The following CADPS2 variants were observed in gnomAD, a reference collection of about 807,000 sequenced individuals.
CADPS2 encodes the protein calcium dependent secretion activator 2.
A neutral mutation model predicts 172.5 loss-of-function variants in CADPS2; 93 were observed. The ratio of observed to expected loss-of-function variants is 0.54; its 90% confidence interval spans 0.46 to 0.64. The LOEUF (loss-of-function observed/expected upper bound fraction) is 0.64, where lower values mean the gene tolerates loss of function less well. Among genes scored for constraint, CADPS2 ranks in the 30% least tolerant of loss-of-function variants. The pLI, the probability that CADPS2 is intolerant of heterozygous loss-of-function variation, is 0.00. For missense variants in CADPS2, 1,420 were observed against 1,565.9 expected (o/e 0.91, Z 1.57); for synonymous variants, 546 against 555.2 (o/e 0.98, Z 0.23).
intron 4 of CADPS2, among the ~76,000 whole-genome samples, chr7:122,628,157 T>C (rs913459042): frequency 6.6e-6 from 1 of 152,162 alleles, no homozygotes; most frequent in African/African-American, 2.4e-5. Flanking sequence ...CATTTTTCTC[T>C]ATTTTATTAT....
chr7:122,322,544 T>C (rs2032808775), intron 29 of CADPS2, among the ~76,000 whole-genome samples: 1 of 152,220 alleles, frequency 6.6e-6, no homozygotes, highest in African/African-American at 2.4e-5. Context: ...TTCTGTTCAC[T>C]TTTTCTCTCC....
intron 1 of CADPS2, among the ~76,000 whole-genome samples, chr7:122,865,903 C>A (rs1277235597): frequency 6.6e-6 from 1 of 152,214 alleles, no homozygotes; most frequent in African/African-American, 2.4e-5. Context: ...AAATCTTCCC[C>A]ACCCAGCACC....
intron 3 of CADPS2, among the ~76,000 whole-genome samples, chr7:122,645,658 GAT>G (rs71161314): frequency 0.03 from 3,179 of 106,592 alleles, 80 homozygotes; most frequent in Middle Eastern, 0.12. Flanking sequence ...ATATCTCTAA[GAT>G]ATATATATAT....
At chr7:122,844,547 C>T (rs1409070135) in intron 1 of CADPS2, among the ~76,000 whole-genome samples, 4 of 152,182 alleles carry the variant, frequency 2.6e-5, no homozygotes, top group African/African-American at 4.8e-5. Context: ...TGTTTTATCA[C>T]ATTAATGCAC....
At chr7:122,611,168 G>A (rs4236615) in intron 6 of CADPS2, among the ~76,000 whole-genome samples, 151,920 of 152,206 alleles carry the variant, frequency 1, 75,817 homozygotes, top group Middle Eastern at 1. Flanking sequence ...GTAAAAATGA[G>A]AGCAAACTAA....
At chr7:122,750,665 C>T (rs1326003968) in intron 1 of CADPS2, among the ~76,000 whole-genome samples, 1 of 152,100 alleles carries the variant, frequency 6.6e-6, no homozygotes. Flanking sequence ...CACTAAGAGA[C>T]ATGTGTGATC....
At position 122,584,890 on chromosome 7, in the gene CADPS2, A is replaced by C. The variant is rs1017724940; in HGVS notation, c.1224-3600T>G. On this transcript the variant is annotated intron_variant, in intron 6 of 29. Coordinates refer to ENST00000449022, the MANE Select transcript of CADPS2 (RefSeq NM_017954.11). ...AATATTGATCATGTAAAATAATTGA[A>C]ATGGGCTTTAATTTCCAGATTTTGT... Among the ~76,000 whole-genome samples the C allele has an allele frequency of 3.9e-5, 6 of 152,144 alleles. No individual in the cohort carries two copies. The East Asian group carries it at 1.2e-3, about 29-fold the overall frequency.
intron 6 of CADPS2, among the ~76,000 whole-genome samples, chr7:122,584,543 C>G (rs994140645): frequency 1.3e-5 from 2 of 151,862 alleles, no homozygotes; most frequent in Admixed American, 1.3e-4. Flanking sequence ...ACAATCCTCT[C>G]TACTTCATGT....
chr7:122,500,468 A>C (rs2059107288), intron 9 of CADPS2, among the ~76,000 whole-genome samples: 1 of 152,196 alleles, frequency 6.6e-6, no homozygotes. Flanking sequence ...TCTTAAATGT[A>C]TCCTCTTCCA....
At chr7:122,559,508 T>C (rs1245898977) in intron 7 of CADPS2, among the ~76,000 whole-genome samples, 3 of 152,112 alleles carry the variant, frequency 2.0e-5, no homozygotes, top group African/African-American at 7.2e-5. Context: ...CGGTGGCTCA[T>C]GCCTGTAATC....
intron 7 of CADPS2, among the ~76,000 whole-genome samples, chr7:122,573,962 G>C (rs1162719317): frequency 6.6e-6 from 1 of 152,014 alleles, no homozygotes; most frequent in Non-Finnish European, 1.5e-5. Context: ...CTTTTGAACA[G>C]AGTATTCAGA....
intron 1 of CADPS2, among the ~76,000 whole-genome samples, chr7:122,885,691 A>C (rs1281289914): frequency 6.6e-6 from 1 of 152,100 alleles, no homozygotes; most frequent in African/African-American, 2.4e-5. Flanking sequence ...GTTGCATTCT[A>C]ATCCGGCCAG....
In CADPS2 at chr7:122,345,556, G is replaced by T; in HGVS notation, c.3612+18C>A. The T allele has an allele frequency of 1.4e-6, 2 of 1,436,974 alleles. No homozygotes were observed. The highest frequency in any genetic ancestry group is 2.0e-6 in the Non-Finnish European group (2 of 1,022,474). 89.0% of individuals were successfully genotyped at this position (1,436,974 alleles called of 1,614,324 possible). A position where few individuals can be genotyped will look rare whatever the true frequency, so the allele number is the denominator to read the frequency against. On this transcript the variant is annotated intron_variant, in intron 28 of 29. Coordinates refer to ENST00000449022, the MANE Select transcript of CADPS2 (RefSeq NM_017954.11). ...TTTATCTATGGTGTCAGCATACCTT[G>T]CAAGGGAAGCTACTTACATCAAATA...
At chr7:122,401,082 T>C (rs1350523092) in intron 20 of CADPS2, among the ~76,000 whole-genome samples, 1 of 152,246 alleles carries the variant, frequency 6.6e-6, no homozygotes, top group Non-Finnish European at 1.5e-5. Flanking sequence ...TCACTCTCCT[T>C]GTTAATTATT....
At chr7:122,379,489 CTT>C (rs750768907) in intron 24 of CADPS2, 47 bp from the exon 25 acceptor site, 2 of 1,220,706 alleles carry the variant, frequency 1.6e-6, no homozygotes, top group Non-Finnish European at 2.4e-6. Flanking sequence ...GGACACAAAA[CTT>C]TTGTCATCAG....
At chr7:122,885,898 T>C (rs1824230486) in intron 1 of CADPS2, 101 bp downstream of exon 1, 17 of 1,341,282 alleles carry the variant, frequency 1.3e-5, no homozygotes, top group Non-Finnish European at 1.8e-5. Flanking sequence ...AAAAATACGG[T>C]GTCCTGCGTT....
chr7:122,435,490 A>G (rs1392948014), intron 17 of CADPS2, among the ~76,000 whole-genome samples: 1 of 152,200 alleles, frequency 6.6e-6, no homozygotes, highest in African/African-American at 2.4e-5. Flanking sequence ...ACTATTATTT[A>G]AAATGAACAA....
intron 1 of CADPS2, among the ~76,000 whole-genome samples, chr7:122,751,968 C>T (rs1257943774): frequency 1.3e-5 from 2 of 152,092 alleles, no homozygotes; most frequent in South Asian, 2.1e-4. Context: ...TGAAGAAGAG[C>T]GAGTCCTTAG....
chr7:122,434,034 G>C (rs1026546306), intron 17 of CADPS2, among the ~76,000 whole-genome samples: 2 of 152,162 alleles, frequency 1.3e-5, no homozygotes, highest in African/African-American at 4.8e-5. Context: ...CTCCATGGCA[G>C]CTGGAAAGCC....
Sources: gnomAD v4.1 joint callset for allele counts (sites outside exome capture counted in the v4.1 genomes callset) on GRCh38, gnomAD v4.1.1 for gene constraint, MANE v1.5 for transcripts, NCBI Gene and HGNC (gene_info 2026-07-23, HGNC 2026-07-21) for gene names.